The following ERAP1 variants were observed in gnomAD, a reference collection of about 807,000 sequenced individuals.
ERAP1 encodes the protein endoplasmic reticulum aminopeptidase 1.
Under a neutral mutation model 103.7 loss-of-function variants are expected in ERAP1, and 86 were observed. The ratio of observed to expected loss-of-function variants is 0.83; its 90% CI spans 0.70 to 0.99. The LOEUF (loss-of-function observed/expected upper bound fraction) is 0.99. Among genes scored for constraint, ERAP1 ranks in the 50% least tolerant of loss-of-function variants. ERAP1 has a pLI of 0.00. For synonymous variants in ERAP1, 398 were observed against 402.4 expected (o/e 0.99, Z 0.13); for missense variants, 1,009 against 1,128.4 (o/e 0.89, Z 1.52).
chr5:96,892,573 C>G, the ERAP1 span: 5 of 1,137,590 alleles, frequency 4.4e-6, no homozygotes, highest in Admixed American at 2.4e-5. Flanking sequence ...AACTTAGAGA[C>G]TACTAAACCT....
chr5:96,893,751 G>T, the ERAP1 span, among the ~76,000 whole-genome samples: 1 of 152,120 alleles, frequency 6.6e-6, no homozygotes, highest in East Asian at 1.9e-4. Flanking sequence ...GTCACTCTGT[G>T]CATAACCCTG....
At chr5:96,915,336 T>C in the ERAP1 span, among the ~76,000 whole-genome samples, 5 of 152,278 alleles carry the variant, frequency 3.3e-5, no homozygotes, top group Middle Eastern at 3.4e-3. Context: ...AAAATATGTA[T>C]ATTGGGAAGT....
At chr5:96,772,872 A>G (rs956241766), downstream of ERAP1, 1 of 153,394 alleles carries the variant, frequency 6.5e-6, no homozygotes, top group African/African-American at 2.4e-5. Flanking sequence ...CAATTGGGAG[A>G]GAAAGCTTTA....
At chr5:96,855,070 T>G in the ERAP1 span, among the ~76,000 whole-genome samples, 1 of 152,190 alleles carries the variant, frequency 6.6e-6, no homozygotes, top group African/African-American at 2.4e-5. Context: ...TTATGAAGTT[T>G]TTTCTCTATT....
intron 18 of ERAP1, among the ~76,000 whole-genome samples, chr5:96,779,808 G>A (rs768946551): frequency 1.3e-5 from 2 of 152,180 alleles, no homozygotes; most frequent in African/African-American, 2.4e-5. Context: ...CAGACAATGA[G>A]AATAACTCAT....
the ERAP1 span, among the ~76,000 whole-genome samples, chr5:96,905,937 CT>C: frequency 7.4e-6 from 1 of 134,698 alleles, no homozygotes; most frequent in Non-Finnish European, 1.5e-5. Context: ...ATTTTTTTTT[CT>C]TTTTAATTTT....
At chr5:96,896,645 T>C in the ERAP1 span, 29 of 1,456,896 alleles carry the variant, frequency 2.0e-5, 1 homozygote, top group African/African-American at 2.9e-4. Flanking sequence ...ATCACACATG[T>C]TCCGTAAAAT....
chr5:96,801,617 G>A (rs1263831975), intron 2 of ERAP1, among the ~76,000 whole-genome samples: 1 of 151,632 alleles, frequency 6.6e-6, no homozygotes, highest in Non-Finnish European at 1.5e-5. Flanking sequence ...ACTTTGAGAG[G>A]CCTAGGCGGG....
At chr5:96,812,345 G>A (rs1779203020), upstream of ERAP1, among the ~76,000 whole-genome samples, 1 of 152,182 alleles carries the variant, frequency 6.6e-6, no homozygotes, top group Admixed American at 6.5e-5. Flanking sequence ...ACCCGTTATG[G>A]TGAGTTGTTT....
the ERAP1 span, among the ~76,000 whole-genome samples, chr5:96,839,812 T>C: frequency 6.6e-6 from 1 of 152,172 alleles, no homozygotes; most frequent in Non-Finnish European, 1.5e-5. Flanking sequence ...TCAACTTTTC[T>C]TAATAAATCC....
the ERAP1 span, among the ~76,000 whole-genome samples, chr5:96,867,578 G>A: frequency 6.6e-6 from 1 of 152,106 alleles, no homozygotes; most frequent in African/African-American, 2.4e-5. Flanking sequence ...GTACCTAGCT[G>A]GAAGTATCTG....
the ERAP1 span, among the ~76,000 whole-genome samples, chr5:96,920,307 A>T: frequency 1.7e-3 from 74 of 42,960 alleles, no homozygotes; most frequent in African/African-American, 8.2e-3. Flanking sequence ...CCTGTCATTT[A>T]AAAAAAAAAA....
In ERAP1 at chr5:96,807,908, G is replaced by A. The variant is rs1778842812; in HGVS notation, c.-66C>T. 2 of 986,282 alleles carry A rather than the reference G, an allele frequency of 2.0e-6. No individual in the cohort carries two copies. Among genetic ancestry groups the A allele is most frequent in the African/African-American group, 3.5e-5 (2 of 57,362 alleles). The allele number at this position is 986,282 out of a possible 1,614,324, so 61.1% of individuals were successfully genotyped here. ...CCCTTGCGCCGCCGCCACCACCACT[G>A]CCGCCGGCCTAGCTCCCCCAGGACC... On this transcript the variant is annotated 5_prime_UTR_variant, in exon 1 of 19. Coordinates refer to ENST00000443439, the MANE Select transcript of ERAP1 (RefSeq NM_001040458.3).
At chr5:96,796,791 T>C (rs1197491312) in intron 4 of ERAP1, among the ~76,000 whole-genome samples, 1 of 152,098 alleles carries the variant, frequency 6.6e-6, no homozygotes, top group Non-Finnish European at 1.5e-5. Flanking sequence ...TTTTGGTATT[T>C]GGTTTTGTCT....
the ERAP1 span, among the ~76,000 whole-genome samples, chr5:96,860,147 T>C: frequency 6.6e-6 from 1 of 152,134 alleles, no homozygotes; most frequent in African/African-American, 2.4e-5. Flanking sequence ...CTGCAACCTC[T>C]GTCTCGAGCA....
At chr5:96,787,571 T>C (rs897920471) in intron 11 of ERAP1, among the ~76,000 whole-genome samples, 53 of 152,086 alleles carry the variant, frequency 3.5e-4, no homozygotes, top group African/African-American at 1.3e-3. Flanking sequence ...CGGCCATAAA[T>C]GTTGTTTTGT....
At chr5:96,863,557 T>C in the ERAP1 span, among the ~76,000 whole-genome samples, 1 of 152,152 alleles carries the variant, frequency 6.6e-6, no homozygotes, top group Non-Finnish European at 1.5e-5. Context: ...TCTCTGGCTG[T>C]CTTTTCTTTT....
At position 96,781,152 on chromosome 5, in the gene ERAP1, A is replaced by T. The variant is rs1775111603; in HGVS notation, c.2494T>A (p.Phe832Ile). 6.2e-7 allele frequency: 1 copy of T among 1,610,564 alleles called. No individual in the cohort carries two copies. Among genetic ancestry groups the T allele is most frequent in the African/African-American group, 1.4e-5 (1 of 73,670 alleles). Residue 832 changes from phenylalanine to isoleucine, a missense_variant, in exon 17 of 19, where the codon TTT becomes ATT. Coordinates refer to ENST00000443439, the MANE Select transcript of ERAP1 (RefSeq NM_001040458.3). ...FKGDKIKTQE[F>I]PQILTLIGRN... ...CCAATGAGTGTAAGAATTTGTGGAA[A>T]CTCCTGAGTTTTTATTTTATCTCCC... is the stretch of plus-strand genomic sequence containing the variant.
chr5:96,881,135 T>C, the ERAP1 span: 12 of 310,756 alleles, frequency 3.9e-5, no homozygotes, highest in Non-Finnish European at 7.6e-5. Context: ...TGGGGCGTCT[T>C]GTAAGGAGTT....
Sources: allele counts gnomAD v4.1 joint callset (sites outside exome capture counted in the v4.1 genomes callset), GRCh38; gene constraint gnomAD v4.1.1; transcripts MANE v1.5; gene names NCBI Gene and HGNC (gene_info 2026-07-23, HGNC 2026-07-21).